Variants in PRKG1 observed in about 807,000 individuals in gnomAD.
The protein encoded by PRKG1 is cGMP-dependent protein kinase 1.
In PRKG1, 35 loss-of-function variants were observed where a neutral mutation model predicts 88.1. The observed-to-expected ratio is 0.40, with a 90% CI of 0.30 to 0.53. The LOEUF is 0.53. Ranked by LOEUF, PRKG1 falls within the 20% of genes least tolerant of loss-of-function variation. The pLI, the probability that PRKG1 is intolerant of heterozygous loss-of-function variation, is 0.59. For synonymous variants in PRKG1, 303 were observed against 292.5 expected, an observed-to-expected ratio of 1.04 and a Z score of -0.37; for missense variants, 540 against 839.8, an observed-to-expected ratio of 0.64 and a Z score of 4.41.
chr10:51,436,591 A>C (rs1305310084), intron 2 of PRKG1, among the ~76,000 whole-genome samples: 1 of 151,990 alleles, frequency 6.6e-6, no homozygotes, highest in African/African-American at 2.4e-5. Context: ...GAGTTCTTAA[A>C]AGGGAACAGA....
intron 3 of PRKG1, among the ~76,000 whole-genome samples, chr10:51,770,491 G>T (rs1467829455): frequency 6.6e-6 from 1 of 152,164 alleles, no homozygotes. Flanking sequence ...TAAGACAGGG[G>T]TACCCAACCC....
chr10:51,185,192 CT>C (rs1837454782), intron 2 of PRKG1, among the ~76,000 whole-genome samples: 1 of 152,024 alleles, frequency 6.6e-6, no homozygotes, highest in Non-Finnish European at 1.5e-5. Flanking sequence ...CTTTTATCAT[CT>C]GTAAAATGGG....
chr10:51,932,197 G>GT lies in PRKG1; in HGVS notation c.762+24640dup, dbSNP rs1195459048. On this transcript the variant is annotated intron_variant, in intron 5 of 17. Coordinates refer to ENST00000373980, the MANE Select transcript of PRKG1 (RefSeq NM_006258.4). The stretch of plus-strand genomic sequence containing the variant: ...TTTATCTTTCCTGAATTGGTTTGGT[G>GT]TTTTTTTTTTTTTAATTGAGGACAT... Among the ~76,000 whole-genome samples the GT allele has an allele frequency of 7.9e-3, 1,059 of 133,466 alleles. 9 individuals carry two copies. Among genetic ancestry groups the GT allele is most frequent in the African/African-American group, 0.023 (861 of 38,144 alleles). 87.6% of individuals were successfully genotyped at this position (133,466 alleles called of 152,430 possible). A position where few individuals can be genotyped will look rare whatever the true frequency, so the allele number is the denominator to read the frequency against.
chr10:51,980,913 A>G (rs1843991735), intron 5 of PRKG1, among the ~76,000 whole-genome samples: 1 of 152,122 alleles, frequency 6.6e-6, no homozygotes, highest in East Asian at 1.9e-4. Flanking sequence ...ACAGCATACC[A>G]ATGGGTCTTG....
At chr10:51,907,007 T>C (rs770033524) in intron 4 of PRKG1, among the ~76,000 whole-genome samples, 2 of 152,200 alleles carry the variant, frequency 1.3e-5, no homozygotes, top group Non-Finnish European at 2.9e-5. Flanking sequence ...TTAAGATTTC[T>C]ATTTCTATTT....
intron 8 of PRKG1, among the ~76,000 whole-genome samples, chr10:52,150,726 G>T (rs1837889296): frequency 6.6e-6 from 1 of 152,078 alleles, no homozygotes; most frequent in Non-Finnish European, 1.5e-5. Context: ...ATAACAAAAA[G>T]TCTACTAAAA....
chr10:51,474,225 G>A (rs1423127239), intron 3 of PRKG1, among the ~76,000 whole-genome samples: 2 of 152,038 alleles, frequency 1.3e-5, no homozygotes, highest in Non-Finnish European at 2.9e-5. Context: ...TAGTGAGAAG[G>A]AGGACCATAA....
intron 2 of PRKG1, among the ~76,000 whole-genome samples, chr10:51,235,649 T>G (rs1838966647): frequency 6.6e-6 from 1 of 152,192 alleles, no homozygotes; most frequent in Non-Finnish European, 1.5e-5. Flanking sequence ...AGATGCTTAC[T>G]TTTCTGTTTT....
At position 51,220,441 on chromosome 10, in the gene PRKG1, C is replaced by A. The variant is rs569617788; in HGVS notation, c.478+67111C>A. ...TTTTGAAGGGTGTGTTTTAAACAGC[C>A]AGGAAAAGAAACAAAGACCAAAAGG... On this transcript the variant is annotated intron_variant, in intron 2 of 17. Transcript: ENST00000373980. 3.3e-5 allele frequency among the ~76,000 whole-genome samples: 5 copies of A among 151,944 alleles called. No individual in the cohort carries two copies. In the East Asian group the frequency reaches 9.7e-4, roughly 29 times the overall value.
At chr10:52,224,489 AT>A (rs1840329499) in intron 9 of PRKG1, among the ~76,000 whole-genome samples, 1 of 151,174 alleles carries the variant, frequency 6.6e-6, no homozygotes, top group Non-Finnish European at 1.5e-5. Flanking sequence ...TTCAGGTGGT[AT>A]TTGGTTACAT....
chr10:51,250,306 G>A (rs981418483), intron 2 of PRKG1, among the ~76,000 whole-genome samples: 10 of 151,870 alleles, frequency 6.6e-5, no homozygotes, highest in Non-Finnish European at 8.8e-5. Context: ...GTTTAGCAAC[G>A]TATCAATTTA....
intron 3 of PRKG1, among the ~76,000 whole-genome samples, chr10:51,668,341 G>C (rs989998363): frequency 2.6e-5 from 4 of 152,174 alleles, no homozygotes; most frequent in African/African-American, 9.7e-5. Context: ...TTTTTTGTGA[G>C]TGTGGAAGAA....
intron 2 of PRKG1, among the ~76,000 whole-genome samples, chr10:51,158,540 T>A (rs1846274123): frequency 6.6e-6 from 1 of 151,872 alleles, no homozygotes; most frequent in Non-Finnish European, 1.5e-5. Context: ...AGAAAAAAAA[T>A]TCAAGATATT....
At chr10:52,248,488 A>G (rs528287350) in intron 9 of PRKG1, among the ~76,000 whole-genome samples, 2 of 152,334 alleles carry the variant, frequency 1.3e-5, no homozygotes, top group South Asian at 2.1e-4. Flanking sequence ...TTCAAAATGT[A>G]TCTTACCAAT....
At chr10:51,292,744 T>C (rs1355843066) in intron 2 of PRKG1, among the ~76,000 whole-genome samples, 2 of 152,214 alleles carry the variant, frequency 1.3e-5, no homozygotes, top group Non-Finnish European at 2.9e-5. Flanking sequence ...TAGGTCTGCC[T>C]ATGGGTGTCT....
At chr10:51,242,766 A>G (rs776110871) in intron 2 of PRKG1, among the ~76,000 whole-genome samples, 1 of 152,178 alleles carries the variant, frequency 6.6e-6, no homozygotes, top group Non-Finnish European at 1.5e-5. Flanking sequence ...TCAATCCCCC[A>G]ATTTTTAGAT....
intron 2 of PRKG1, among the ~76,000 whole-genome samples, chr10:51,226,641 A>T (rs1289317334): frequency 2.6e-5 from 4 of 152,182 alleles, no homozygotes; most frequent in Admixed American, 2.6e-4. Context: ...CAATTTGAGG[A>T]TATTAGAAAC....
rs141303257 is a variant in PRKG1, at chr10:51,134,231, T to G, written c.312-18933T>G. 4.0e-3 allele frequency among the ~76,000 whole-genome samples: 608 copies of G among 152,314 alleles called. 2 individuals carry two copies. The highest frequency in any genetic ancestry group is 0.014 in the African/African-American group (565 of 41,574). ...GGATTTAATGTGCCAGATGAGAAAT[T>G]TTGCAAATCATTATAATTACTGGAA... is the stretch of plus-strand genomic sequence containing the variant. On this transcript the variant is annotated intron_variant, in intron 1 of 17. Coordinates refer to ENST00000373980, the MANE Select transcript of PRKG1 (RefSeq NM_006258.4).
chr10:51,848,342 C>G (rs938400504), intron 4 of PRKG1, among the ~76,000 whole-genome samples: 1 of 152,130 alleles, frequency 6.6e-6, no homozygotes, highest in African/African-American at 2.4e-5. Flanking sequence ...TAAAAACAAA[C>G]TCCACCTCCA....
Sources: gnomAD v4.1 joint callset for allele counts (sites outside exome capture counted in the v4.1 genomes callset) on GRCh38, gnomAD v4.1.1 for gene constraint, MANE v1.5 for transcripts, NCBI Gene and HGNC (gene_info 2026-07-23, HGNC 2026-07-21) for gene names.